Variants in SYNE3 observed in about 807,000 individuals in gnomAD.
SYNE3 encodes the protein spectrin repeat containing nuclear envelope family member 3.
In SYNE3, 100 loss-of-function variants were observed where a neutral mutation model predicts 111.2. The ratio of observed to expected loss-of-function variants is 0.90; its 90% confidence interval spans 0.77 to 1.06. The LOEUF (loss-of-function observed/expected upper bound fraction) is 1.06, where lower values mean the gene tolerates loss of function less well. Among genes scored for constraint, SYNE3 ranks in the 50% least tolerant of loss-of-function variants. The pLI, the probability that SYNE3 is intolerant of heterozygous loss-of-function variation, is 0.00. For synonymous variants in SYNE3, 547 were observed against 533.9 expected (o/e 1.02, Z -0.34); for missense variants, 1,160 against 1,240.3 (o/e 0.94, Z 0.97).
intron 1 of SYNE3, among the ~76,000 whole-genome samples, chr14:95,495,537 G>A (rs917694694): frequency 6.6e-6 from 1 of 152,248 alleles, no homozygotes; most frequent in African/African-American, 2.4e-5. Flanking sequence ...CAGGCACTGG[G>A]CAGACACCAT....
At chr14:95,515,398 T>C (rs1011374182) in intron 1 of SYNE3, among the ~76,000 whole-genome samples, 1 of 152,196 alleles carries the variant, frequency 6.6e-6, no homozygotes, top group Non-Finnish European at 1.5e-5. Context: ...CTGACTCCTA[T>C]GGGCTGTTGG....
chr14:95,481,506 G>T (rs540441351), intron 1 of SYNE3, among the ~76,000 whole-genome samples: 2 of 152,178 alleles, frequency 1.3e-5, no homozygotes. Flanking sequence ...GTTGGGGGCC[G>T]CTGAGCAGCA....
rs775164044 is a variant in SYNE3, at chr14:95,455,652, G to A, written c.862C>T (p.Arg288Trp). ...TCTGCACCCAAAGGAGAGGTGTTCC[G>A]AATGACACCCGCAGACTGCTCCTCC... Reference protein sequence around the residue: ...TLEEQSAGVIRNTSPLGAEKI... With the variant: ...TLEEQSAGVIWNTSPLGAEKI... The change falls in exon 6 of 18, where the codon CGG (arginine) becomes TGG (tryptophan). Residue 288 changes from arginine to tryptophan, a missense_variant. Transcript: ENST00000682763. 1.4e-5 allele frequency: 22 copies of A among 1,614,204 alleles called. 1 individual carries two copies. The highest frequency in any genetic ancestry group is 4.4e-5 in the South Asian group (4 of 91,090).
At chr14:95,442,253 C>T in intron 11 of SYNE3, among the ~76,000 whole-genome samples, 1 of 152,218 alleles carries the variant, frequency 6.6e-6, no homozygotes, top group Non-Finnish European at 1.5e-5. Flanking sequence ...ACAGGGAGGG[C>T]ACGTTCTGAC....
At chr14:95,433,182 C>T in intron 16 of SYNE3, 78 bp downstream of exon 16, 1 of 1,551,406 alleles carries the variant, frequency 6.4e-7, no homozygotes, top group Non-Finnish European at 8.7e-7. Flanking sequence ...GCAGGCTTAG[C>T]ACTGTATCCC....
intron 10 of SYNE3, chr14:95,444,166 T>C (rs1043119433): frequency 1.1e-5 from 4 of 373,724 alleles, no homozygotes; most frequent in African/African-American, 8.3e-5. Context: ...TTGGTTTAAC[T>C]GAACACCTCT....
At chr14:95,479,973 G>T (rs1419657006) in intron 1 of SYNE3, among the ~76,000 whole-genome samples, 1 of 152,158 alleles carries the variant, frequency 6.6e-6, no homozygotes, top group Non-Finnish European at 1.5e-5. Flanking sequence ...AGAAAAGGTT[G>T]CAGGAGTGAG....
intron 8 of SYNE3, among the ~76,000 whole-genome samples, 168 bp from the exon 9 acceptor site, chr14:95,446,259 C>T (rs138672614): frequency 2.4e-4 from 37 of 152,314 alleles, no homozygotes; most frequent in Non-Finnish European, 4.6e-4. Context: ...GGCAGGAATG[C>T]GCTGGCAAGG....
intron 10 of SYNE3, chr14:95,444,251 A>C: frequency 3.9e-6 from 2 of 513,844 alleles, no homozygotes; most frequent in Non-Finnish European, 6.6e-6. Flanking sequence ...TGAGGAGTAA[A>C]CAGAAAGACA....
Position 95,436,914 on chromosome 14 carries a change from T to C in SYNE3, c.2444A>G (p.Gln815Arg). 4 of 1,614,230 alleles carry C rather than the reference T, an allele frequency of 2.5e-6. No homozygotes were observed. Among genetic ancestry groups the C allele is most frequent in the Middle Eastern group, 3.3e-4 (2 of 6,062 alleles). ...DFSQLLRNFG[Q>R]WLQVENSKLV... Reference sequence around the variant, plus strand: ...CTTGGAGTTTTCCACCTGCAACCACTGCCCAAAGTTCCTCAGGAGCTGGGA... The same window carrying C: ...CTTGGAGTTTTCCACCTGCAACCACCGCCCAAAGTTCCTCAGGAGCTGGGA... The change falls in exon 15 of 18, where the codon CAG becomes CGG. Residue 815 changes from glutamine to arginine, a missense_variant. Transcript: ENST00000682763.
intron 4 of SYNE3, among the ~76,000 whole-genome samples, chr14:95,457,698 C>T (rs997416650): frequency 2.0e-5 from 3 of 152,172 alleles, no homozygotes; most frequent in South Asian, 2.1e-4. Flanking sequence ...TCTGAGCACT[C>T]GCCAAGGTGC....
intron 17 of SYNE3, among the ~76,000 whole-genome samples, chr14:95,423,466 G>A (rs1378528226): frequency 6.6e-6 from 1 of 152,028 alleles, no homozygotes; most frequent in African/African-American, 2.4e-5. Context: ...TGATCATGAT[G>A]CTTTTTGCTG....
At chr14:95,484,622 G>A (rs573693598) in intron 1 of SYNE3, among the ~76,000 whole-genome samples, 1 of 152,372 alleles carries the variant, frequency 6.6e-6, no homozygotes, top group African/African-American at 2.4e-5. Context: ...ATGCAGCGGG[G>A]TTGGTACTGG....
chr14:95,491,158 G>T lies in SYNE3; in HGVS notation c.-14-15323C>A, dbSNP rs112362142. Among the ~76,000 whole-genome samples the T allele has an allele frequency of 9.0e-3, 1,366 of 152,244 alleles. 19 individuals carry two copies. The highest frequency in any genetic ancestry group is 0.031 in the African/African-American group (1,282 of 41,542). Reference sequence around the variant, plus strand: ...TCTCGGGTTGCGGGGTAAGCCTCACGGGATGACAGGACATTCCAGTGAGCC... The same window carrying T: ...TCTCGGGTTGCGGGGTAAGCCTCACTGGATGACAGGACATTCCAGTGAGCC... On this transcript the variant is annotated intron_variant, in intron 1 of 17. Transcript: ENST00000682763.
intron 1 of SYNE3, among the ~76,000 whole-genome samples, chr14:95,490,383 A>C (rs1342116967): frequency 1.3e-5 from 2 of 152,252 alleles, no homozygotes; most frequent in Admixed American, 6.5e-5. Flanking sequence ...CCTTGGCAGG[A>C]GCTAGCTCTG....
intron 15 of SYNE3, among the ~76,000 whole-genome samples, chr14:95,436,152 A>G (rs989196776): frequency 1.3e-5 from 2 of 152,122 alleles, no homozygotes; most frequent in Non-Finnish European, 2.9e-5. Flanking sequence ...CCACTGCAAT[A>G]TGACTTTGCC....
rs1889476222 is a variant in SYNE3, at chr14:95,485,129, G to A, written c.-14-9294C>T. ...TGATTCTAACCATGGGCGTGAGTGT[G>A]TATTTGGCAAATTCATCCACACGGT... On this transcript the variant is annotated intron_variant, in intron 1 of 17. Coordinates refer to ENST00000682763, the MANE Select transcript of SYNE3 (RefSeq NM_152592.6). The surrounding 1 kb of genome is among the most constrained non-coding windows in gnomAD (Gnocchi z 4.3). 6.6e-6 allele frequency among the ~76,000 whole-genome samples: 1 copy of A among 152,186 alleles called. No homozygotes were observed.
chr14:95,468,447 T>C (rs191595274), intron 2 of SYNE3, among the ~76,000 whole-genome samples: 397 of 152,300 alleles, frequency 2.6e-3, no homozygotes, highest in Non-Finnish European at 4.2e-3. Context: ...GCCTCCAGAA[T>C]CATCTCTGTC....
chr14:95,490,228 C>T (rs925900849), intron 1 of SYNE3, among the ~76,000 whole-genome samples: 3 of 152,236 alleles, frequency 2.0e-5, no homozygotes, highest in Non-Finnish European at 4.4e-5. Context: ...ATCTCTTGTT[C>T]TGGCAAGCTA....
Sources: allele counts gnomAD v4.1 joint callset (sites outside exome capture counted in the v4.1 genomes callset), GRCh38; gene constraint gnomAD v4.1.1; non-coding constraint Gnocchi (gnomAD v3.1); transcripts MANE v1.5; gene names NCBI Gene and HGNC (gene_info 2026-07-23, HGNC 2026-07-21).